COL25A1: variants seen among roughly 807,000 people sequenced by gnomAD.
COL25A1 encodes collagen alpha-1(XXV) chain.
COL25A1 carries 103 observed loss-of-function variants against 128.4 expected under a neutral mutation model. That is an observed-to-expected ratio of 0.80 (90% CI 0.68 to 0.94). COL25A1 has a LOEUF of 0.94. Among genes scored for constraint, COL25A1 ranks in the 40% least tolerant of loss-of-function variants. COL25A1 has a pLI of 0.00. For missense variants in COL25A1, 745 were observed against 840.0 expected (o/e 0.89, Z 1.40); for synonymous variants, 279 against 277.2 (o/e 1.01, Z -0.06).
chr4:108,813,724 TGCAGGA>T lies in COL25A1; in HGVS notation c.*197_*202del. ...TAAGGAGATACTGATCTATATTTTT[TGCAGGA>T]TTCTCACTGGTTTCACAAATTGCCC... On this transcript the variant is annotated 3_prime_UTR_variant, in exon 38 of 38. Coordinates refer to ENST00000399132, the MANE Select transcript of COL25A1 (RefSeq NM_198721.4). 1.9e-6 allele frequency: 1 copy of T among 533,032 alleles called. No individual in the cohort carries two copies. The allele number at this position is 533,032 out of a possible 1,614,324, so 33.0% of individuals were successfully genotyped here.
chr4:109,286,638 G>A (rs879626168), intron 3 of COL25A1, among the ~76,000 whole-genome samples: 1 of 152,172 alleles, frequency 6.6e-6, no homozygotes, highest in Non-Finnish European at 1.5e-5. Flanking sequence ...GGTTATGGAA[G>A]CCAAGGAGTG....
intron 5 of COL25A1, among the ~76,000 whole-genome samples, chr4:109,028,760 A>C (rs749507033): frequency 6.6e-6 from 1 of 152,066 alleles, no homozygotes; most frequent in Admixed American, 6.6e-5. Flanking sequence ...AAGAAAAGAA[A>C]GAAAAAGGAC....
intron 3 of COL25A1, among the ~76,000 whole-genome samples, chr4:109,250,795 C>G (rs1780593391): frequency 6.6e-6 from 1 of 152,172 alleles, no homozygotes; most frequent in Non-Finnish European, 1.5e-5. Context: ...AACCAAGTAT[C>G]TGGGCACTCT....
chr4:108,875,970 C>A (rs1366531899), intron 19 of COL25A1, among the ~76,000 whole-genome samples: 2 of 152,054 alleles, frequency 1.3e-5, no homozygotes, highest in Non-Finnish European at 2.9e-5. Flanking sequence ...GGACAGAAAA[C>A]CAAACACCGC....
chr4:109,277,676 T>C (rs1722969525), intron 3 of COL25A1, among the ~76,000 whole-genome samples: 1 of 152,210 alleles, frequency 6.6e-6, no homozygotes, highest in African/African-American at 2.4e-5. Flanking sequence ...GTAAATACCC[T>C]GGGAATCTTC....
intron 6 of COL25A1, among the ~76,000 whole-genome samples, chr4:109,003,945 T>A (rs1285298202): frequency 1.3e-5 from 2 of 152,214 alleles, no homozygotes; most frequent in African/African-American, 4.8e-5. Flanking sequence ...ATTCCCTTTC[T>A]TTTCCTCTCC....
Position 108,810,573 on chromosome 4 carries a change from G to T in COL25A1, c.*3354C>A, listed in dbSNP as rs775620016. On this transcript the variant is annotated 3_prime_UTR_variant, in exon 38 of 38. Coordinates refer to ENST00000399132, the MANE Select transcript of COL25A1 (RefSeq NM_198721.4). ...TATTTGTGCACTAGGTACTCTATAC[G>T]GTGTGTGCAGACTTCTCTGATGCTA... The T allele has an allele frequency of 6.6e-6, 1 of 151,944 alleles. No individual in the cohort carries two copies. Among genetic ancestry groups the T allele is most frequent in the Non-Finnish European group, 1.5e-5 (1 of 67,864 alleles). 9.4% of individuals were successfully genotyped at this position (151,944 alleles called of 1,614,324 possible). A position where few individuals can be genotyped will look rare whatever the true frequency, so the allele number is the denominator to read the frequency against.
chr4:108,846,483 T>C (rs1166115236), intron 27 of COL25A1, among the ~76,000 whole-genome samples: 1 of 152,246 alleles, frequency 6.6e-6, no homozygotes, highest in Non-Finnish European at 1.5e-5. Context: ...ACATAATTTC[T>C]CCTGATTTTG....
intron 3 of COL25A1, among the ~76,000 whole-genome samples, chr4:109,289,802 C>T (rs1290608214): frequency 6.6e-6 from 1 of 152,080 alleles, no homozygotes; most frequent in African/African-American, 2.4e-5. Flanking sequence ...CTCCCAAAGA[C>T]AATCCTGTCC....
Position 108,813,782 on chromosome 4 carries a change from T to C in COL25A1, c.*145A>G, listed in dbSNP as rs1730997163. 1 of 626,516 alleles carries C rather than the reference T, an allele frequency of 1.6e-6. No individual in the cohort carries two copies. Among genetic ancestry groups the C allele is most frequent in the Non-Finnish European group, 2.8e-6 (1 of 352,586 alleles). 38.8% of individuals were successfully genotyped at this position (626,516 alleles called of 1,614,324 possible). On this transcript the variant is annotated 3_prime_UTR_variant, in exon 38 of 38. Coordinates refer to ENST00000399132, the MANE Select transcript of COL25A1 (RefSeq NM_198721.4). ...ATTTCAGATGTAAGTGGAGTAAAAA[T>C]GGACATGTATACTACTGCCAGCAGG...
intron 3 of COL25A1, among the ~76,000 whole-genome samples, chr4:109,250,081 T>C (rs1780546381): frequency 1.3e-5 from 2 of 152,096 alleles, no homozygotes; most frequent in South Asian, 2.1e-4. Context: ...GCTTAAGAGT[T>C]TGAAGACCTA....
chr4:108,966,977 G>GAA (rs1202305377), intron 8 of COL25A1, among the ~76,000 whole-genome samples: 1 of 151,930 alleles, frequency 6.6e-6, no homozygotes, highest in Admixed American at 6.6e-5. Context: ...GAAAAAGAAA[G>GAA]AAAAGTTTTA....
intron 3 of COL25A1, among the ~76,000 whole-genome samples, chr4:109,256,946 T>C (rs1270574307): frequency 6.6e-6 from 1 of 152,212 alleles, no homozygotes; most frequent in African/African-American, 2.4e-5. Flanking sequence ...ACTTAACTAA[T>C]TTGACCACAC....
intron 3 of COL25A1, among the ~76,000 whole-genome samples, chr4:109,194,975 T>C (rs1054578601): frequency 1.5e-4 from 23 of 152,204 alleles, no homozygotes; most frequent in African/African-American, 5.1e-4. Context: ...AATTGGATTA[T>C]TTACAACTCA....
intron 3 of COL25A1, among the ~76,000 whole-genome samples, chr4:109,165,368 G>A (rs749507208): frequency 6.6e-6 from 1 of 152,090 alleles, no homozygotes; most frequent in African/African-American, 2.4e-5. Flanking sequence ...CAAAATTAGA[G>A]CATACATATA....
chr4:109,289,982 TAAAC>T (rs1400213964), intron 3 of COL25A1, among the ~76,000 whole-genome samples: 1 of 151,982 alleles, frequency 6.6e-6, no homozygotes, highest in Non-Finnish European at 1.5e-5. Flanking sequence ...TGATTAAAAA[TAAAC>T]AAAAGTACAG....
chr4:108,959,707 T>G (rs1010287348), intron 8 of COL25A1, among the ~76,000 whole-genome samples: 2 of 152,170 alleles, frequency 1.3e-5, no homozygotes, highest in African/African-American at 4.8e-5. Context: ...TTATTAGAAG[T>G]ACATGGCTCC....
At chr4:109,063,798 T>C (rs1029488612) in intron 3 of COL25A1, among the ~76,000 whole-genome samples, 4 of 152,118 alleles carry the variant, frequency 2.6e-5, no homozygotes, top group Non-Finnish European at 5.9e-5. Flanking sequence ...ATTATTAAAG[T>C]CCTCAAATGG....
chr4:108,911,802 G>GTT (rs61235488), intron 13 of COL25A1, among the ~76,000 whole-genome samples: 24,700 of 124,200 alleles, frequency 0.2, 2,675 homozygotes, highest in African/African-American at 0.24. Context: ...TTGCTTCGCT[G>GTT]TTTTTTTTTT....
Sources: allele counts gnomAD v4.1 joint callset (sites outside exome capture counted in the v4.1 genomes callset), GRCh38; gene constraint gnomAD v4.1.1; transcripts MANE v1.5; gene names NCBI Gene and HGNC (gene_info 2026-07-23, HGNC 2026-07-21).